NNT: variants seen among roughly 807,000 people sequenced by gnomAD.
NNT encodes nicotinamide nucleotide transhydrogenase.
In NNT, 50 loss-of-function variants were observed where a neutral mutation model predicts 104.8. That is an observed-to-expected ratio of 0.48 (90% CI 0.38 to 0.60). The LOEUF is 0.60. NNT is among the 20% of genes least tolerant of loss of function. The pLI is 0.00. For missense variants in NNT, 1,131 were observed against 1,330.7 expected (o/e 0.85, Z 2.33); for synonymous variants, 461 against 490.4 (o/e 0.94, Z 0.79).
intron 19 of NNT, among the ~76,000 whole-genome samples, chr5:43,687,535 C>G (rs1033130921): frequency 6.6e-6 from 1 of 152,114 alleles, no homozygotes; most frequent in Non-Finnish European, 1.5e-5. Flanking sequence ...TTTATAAACT[C>G]ACATTGACTC....
chr5:43,656,104 T>C (rs1445330581), intron 15 of NNT, 31 bp downstream of exon 15: 2 of 1,554,822 alleles, frequency 1.3e-6, no homozygotes, highest in Non-Finnish European at 1.8e-6. Flanking sequence ...TAGAGGTAAA[T>C]ATCTACTGTT....
intron 17 of NNT, among the ~76,000 whole-genome samples, chr5:43,660,205 C>T (rs1352605362): frequency 2.0e-5 from 3 of 152,128 alleles, no homozygotes; most frequent in Non-Finnish European, 4.4e-5. Flanking sequence ...TTTATAGGCT[C>T]ATTATACTTA....
intron 14 of NNT, among the ~76,000 whole-genome samples, chr5:43,655,209 G>A (rs751384124): frequency 1.3e-5 from 2 of 152,182 alleles, no homozygotes; most frequent in Non-Finnish European, 2.9e-5. Flanking sequence ...AGAGATTTAG[G>A]TAGTCTGAAG....
Position 43,657,551 on chromosome 5 carries a change from A to G in NNT, c.2454+738A>G, listed in dbSNP as rs76231073. On this transcript the variant is annotated intron_variant, in intron 16 of 21. Transcript: ENST00000344920. Reference sequence around the variant, plus strand: ...TACAGTAACTAACACAAAGTTAGACACATAGCAATTGCTTATGAAATACTT... The same window carrying G: ...TACAGTAACTAACACAAAGTTAGACGCATAGCAATTGCTTATGAAATACTT... Among the ~76,000 whole-genome samples the G allele has an allele frequency of 9.1e-3, 1,388 of 152,340 alleles. 25 individuals are homozygous for G. Among genetic ancestry groups the G allele is most frequent in the African/African-American group, 0.032 (1,345 of 41,574 alleles).
At position 43,659,199 on chromosome 5, in the gene NNT, G is replaced by T. The variant is rs1740219964; in HGVS notation, c.2483G>T (p.Gly828Val). Reference sequence around the variant, plus strand: ...GTGACTTTGACAGCTGCTATTGGGGGTGCTGACATGCCCGTCGTTATCACT... The same window carrying T: ...GTGACTTTGACAGCTGCTATTGGGGTTGCTGACATGCCCGTCGTTATCACT... ...MGVTLTAAIG[G>V]ADMPVVITVL... is the part of the protein sequence containing the mutation. Residue 828 changes from glycine to valine, a missense_variant, in exon 17 of 22, where the codon GGT becomes GTT. Gly to Val is a moderately radical substitution (Grantham distance 109). Coordinates refer to ENST00000344920, the MANE Select transcript of NNT (RefSeq NM_182977.3). 3 of 1,612,140 alleles carry T rather than the reference G, an allele frequency of 1.9e-6. No individual in the cohort carries two copies. The highest frequency in any genetic ancestry group is 2.5e-6 in the Non-Finnish European group (3 of 1,179,084).
chr5:43,671,871 C>A lies in NNT; in HGVS notation c.2635-3640C>A, dbSNP rs184765434. On this transcript the variant is annotated intron_variant, in intron 17 of 21. Coordinates refer to ENST00000344920, the MANE Select transcript of NNT (RefSeq NM_182977.3). ...GGAAGTTCTCCCGGATAATATCCTG[C>A]AGAGTGTTTTCCAACTTGGTTCCAT... is the stretch of plus-strand genomic sequence containing the variant. 2.3e-3 allele frequency among the ~76,000 whole-genome samples: 349 copies of A among 152,300 alleles called. 2 individuals carry two copies. Among genetic ancestry groups the A allele is most frequent in the Non-Finnish European group, 2.2e-3 (149 of 68,030 alleles).
At chr5:43,694,454 T>G (rs998966061) in intron 19 of NNT, among the ~76,000 whole-genome samples, 1 of 152,198 alleles carries the variant, frequency 6.6e-6, no homozygotes, top group African/African-American at 2.4e-5. Flanking sequence ...GGTATGTTCC[T>G]TTAATACCTA....
chr5:43,686,654 A>C (rs544586218), intron 19 of NNT, among the ~76,000 whole-genome samples: 19 of 152,268 alleles, frequency 1.2e-4, no homozygotes, highest in Admixed American at 5.2e-4. Context: ...AGTGATTATT[A>C]AAAATATGCA....
intron 17 of NNT, chr5:43,666,922 A>G: frequency 2.5e-6 from 4 of 1,581,286 alleles, no homozygotes; most frequent in Non-Finnish European, 2.6e-6. Flanking sequence ...ACGCTTCCCA[A>G]GCTTGGGGTG....
chr5:43,623,989 A>T (rs1421982228), intron 5 of NNT, 43 bp from the exon 6 acceptor site: 2 of 1,558,242 alleles, frequency 1.3e-6, no homozygotes, highest in African/African-American at 2.7e-5. Flanking sequence ...TTTCATTATT[A>T]GTTGATAATG....
chr5:43,645,490 C>T lies in NNT; in HGVS notation c.1424C>T (p.Thr475Met), dbSNP rs141791856. Residue 475 changes from threonine to methionine, a missense_variant, in exon 10 of 22, where the codon ACG (threonine) becomes ATG (methionine). Coordinates refer to ENST00000344920, the MANE Select transcript of NNT (RefSeq NM_182977.3). ...TITPFRKTMS[T>M]ASAYTAGLTG... ...ACACCCTTCAGGAAGACAATGTCAA[C>T]GGCTTCTGCATATACAGCAGGTGAG... is the stretch of plus-strand genomic sequence containing the variant. The T allele has an allele frequency of 1.0e-4, 160 of 1,558,978 alleles. No individual in the cohort carries two copies. In the African/African-American group the frequency reaches 1.1e-3, roughly 10 times the overall value.
chr5:43,645,683 C>CTCTCTCTA (rs1386181675), intron 10 of NNT, 173 bp downstream of exon 10: 2 of 45,742 alleles, frequency 4.4e-5, no homozygotes, highest in East Asian at 9.9e-4. Context: ...CTCTCTCTCT[C>CTCTCTCTA]TATATATATA....
chr5:43,676,191 T>C (rs1044590767), intron 18 of NNT, among the ~76,000 whole-genome samples: 6 of 152,236 alleles, frequency 3.9e-5, no homozygotes, highest in African/African-American at 1.4e-4. Context: ...TAACAATCTA[T>C]GTGACATTGC....
intron 16 of NNT, 102 bp downstream of exon 16, chr5:43,656,915 G>T: frequency 8.7e-7 from 1 of 1,149,438 alleles, no homozygotes; most frequent in Non-Finnish European, 1.2e-6. Flanking sequence ...GAACCTTGAT[G>T]GAATAAAAAT....
At position 43,697,495 on chromosome 5, in the gene NNT, C is replaced by T. The variant is rs1418018365; in HGVS notation, c.2877-2624C>T. ...ACTGTTCCAGCCTCTGCCTGTTACC[C>T]AGTTCCAAAGTTGTTTCCACATTTT... On this transcript the variant is annotated intron_variant, in intron 19 of 21. Transcript: ENST00000344920. 2.0e-5 allele frequency among the ~76,000 whole-genome samples: 3 copies of T among 152,208 alleles called. No homozygotes were observed. In the East Asian group the frequency reaches 5.8e-4, roughly 29 times the overall value.
In NNT at chr5:43,705,421, G is replaced by A. The variant is rs1743063223; in HGVS notation, c.*1017G>A. ...GTCTTATGTAATTGATGACATTTGA[G>A]AGAAATGGTGGCTTTTTTTAGCTAC... On this transcript the variant is annotated 3_prime_UTR_variant, in exon 22 of 22. Coordinates refer to ENST00000344920, the MANE Select transcript of NNT (RefSeq NM_182977.3). 6.6e-6 allele frequency: 1 copy of A among 152,046 alleles called. No homozygotes were observed. The highest frequency in any genetic ancestry group is 1.5e-5 in the Non-Finnish European group (1 of 67,958). The allele number at this position is 152,046 out of a possible 1,614,324, so 9.4% of individuals were successfully genotyped here. A position where few individuals can be genotyped will look rare whatever the true frequency, so the allele number is the denominator to read the frequency against.
chr5:43,690,981 A>G (rs933647324), intron 19 of NNT, among the ~76,000 whole-genome samples: 1 of 152,168 alleles, frequency 6.6e-6, no homozygotes, highest in African/African-American at 2.4e-5. Flanking sequence ...CTGTGCAAAT[A>G]AGAAATATTT....
At chr5:43,689,949 C>G (rs184874560) in intron 19 of NNT, among the ~76,000 whole-genome samples, 1 of 151,774 alleles carries the variant, frequency 6.6e-6, no homozygotes, top group Non-Finnish European at 1.5e-5. Context: ...TGAATTAACC[C>G]AATCCGTCAA....
chr5:43,621,462 T>C (rs188423322), intron 5 of NNT, among the ~76,000 whole-genome samples: 1 of 152,284 alleles, frequency 6.6e-6, no homozygotes, highest in Admixed American at 6.5e-5. Flanking sequence ...CAAGACAAAA[T>C]TCCTGCTGCA....
Sources: gnomAD v4.1 joint callset for allele counts (sites outside exome capture counted in the v4.1 genomes callset) on GRCh38, gnomAD v4.1.1 for gene constraint, MANE v1.5 for transcripts, NCBI Gene and HGNC (gene_info 2026-07-23, HGNC 2026-07-21) for gene names.